Variants in CFAP54 observed in about 807,000 individuals in gnomAD.
CFAP54 encodes cilia- and flagella-associated protein 54.
A neutral mutation model predicts 370.4 loss-of-function variants in CFAP54; 290 were observed. That is an observed-to-expected ratio of 0.78 (90% CI 0.71 to 0.86). The LOEUF (loss-of-function observed/expected upper bound fraction) is 0.86, where lower values mean the gene tolerates loss of function less well. Ranked by LOEUF, CFAP54 falls within the 40% of genes least tolerant of loss-of-function variation. The pLI is 0.00. For missense variants in CFAP54, 3,399 were observed against 3,528.7 expected (o/e 0.96, Z 0.93); for synonymous variants, 1,206 against 1,236.5 (o/e 0.98, Z 0.52).
At chr12:96,514,683 G>T (rs1272295831) in intron 5 of CFAP54, among the ~76,000 whole-genome samples, 4 of 152,178 alleles carry the variant, frequency 2.6e-5, no homozygotes, top group Non-Finnish European at 4.4e-5. Flanking sequence ...AACACTGAGA[G>T]AATTTTAAAG....
At chr12:96,857,503 C>T (rs990769434) in intron 66 of CFAP54, among the ~76,000 whole-genome samples, 17 of 152,238 alleles carry the variant, frequency 1.1e-4, no homozygotes, top group South Asian at 2.1e-4. Flanking sequence ...TATTCCATGG[C>T]GTATATGTAC....
chr12:96,625,291 A>G (rs1956537761), intron 28 of CFAP54, among the ~76,000 whole-genome samples: 1 of 152,234 alleles, frequency 6.6e-6, no homozygotes, highest in African/African-American at 2.4e-5. Flanking sequence ...TCATAACTAA[A>G]AAATGTCATA....
intron 22 of CFAP54, among the ~76,000 whole-genome samples, chr12:96,588,410 T>C (rs1956092836): frequency 6.6e-6 from 1 of 152,218 alleles, no homozygotes; most frequent in Non-Finnish European, 1.5e-5. Flanking sequence ...TTTGTAGTTT[T>C]TCTGTGATGT....
Position 96,664,785 on chromosome 12 carries a change from A to ATCTATCTATC in CFAP54, c.5563+854_5563+855insCTATCTATCT, listed in dbSNP as rs1565934533. 1.5e-4 allele frequency among the ~76,000 whole-genome samples: 4 copies of ATCTATCTATC among 26,376 alleles called. No homozygotes were observed. The South Asian group carries it at 2.5e-3, about 16-fold the overall frequency. 17.3% of individuals were successfully genotyped at this position (26,376 alleles called of 152,430 possible). ...TATATCTATATCTATATCTATATAT[A>ATCTATCTATC]TATATATATATATATATATATATAT... On this transcript the variant is annotated intron_variant, in intron 39 of 67. Coordinates refer to ENST00000524981, the MANE Select transcript of CFAP54 (RefSeq NM_001306084.2).
rs1162255260 is a variant in CFAP54 at position 96,723,835 on chromosome 12, C to A, written c.6965+3270C>A. 1.6e-4 allele frequency among the ~76,000 whole-genome samples: 18 copies of A among 109,262 alleles called. No individual in the cohort carries two copies. In the East Asian group the frequency reaches 2.4e-3, roughly 14 times the overall value. The allele number at this position is 109,262 out of a possible 152,430, so 71.7% of individuals were successfully genotyped here. A position where few individuals can be genotyped will look rare whatever the true frequency, so the allele number is the denominator to read the frequency against. On this transcript the variant is annotated intron_variant, in intron 50 of 67. Coordinates refer to ENST00000524981, the MANE Select transcript of CFAP54 (RefSeq NM_001306084.2). ...TAATGCTATCCCTCCCCCCTCCCCC[C>A]ACCCCACAACAGTCCCCAGAGTGTG...
intron 8 of CFAP54, among the ~76,000 whole-genome samples, chr12:96,525,034 CTT>C (rs1333249245): frequency 6.6e-6 from 1 of 151,978 alleles, no homozygotes; most frequent in Non-Finnish European, 1.5e-5. Flanking sequence ...GACATAAACA[CTT>C]TATTTCTCTT....
rs139834778 is a variant in CFAP54 at position 96,715,254 on chromosome 12, T to C, written c.6725-3189T>C. 4.6e-3 allele frequency among the ~76,000 whole-genome samples: 580 copies of C among 125,564 alleles called. 4 individuals carry two copies. The highest frequency in any genetic ancestry group is 0.019 in the Middle Eastern group (5 of 270). The allele number at this position is 125,564 out of a possible 152,430, so 82.4% of individuals were successfully genotyped here. A position where few individuals can be genotyped will look rare whatever the true frequency, so the allele number is the denominator to read the frequency against. On this transcript the variant is annotated intron_variant, in intron 48 of 67. Transcript: ENST00000524981. ...TTGCAGAGCCTTTTTGTATTTCTGG[T>C]ATGAATTTAAAGTGAGAAGAGTTAG...
chr12:96,583,684 G>T (rs1182172469), intron 22 of CFAP54, among the ~76,000 whole-genome samples: 1 of 152,148 alleles, frequency 6.6e-6, no homozygotes, highest in Non-Finnish European at 1.5e-5. Context: ...TCTCAGGGAG[G>T]TTAAGAAATG....
intron 42 of CFAP54, 64 bp from the exon 43 acceptor site, chr12:96,688,852 A>G (rs1419370218): frequency 1.1e-6 from 1 of 890,628 alleles, no homozygotes; most frequent in Non-Finnish European, 1.8e-6. Flanking sequence ...ATGTAAAGAC[A>G]TTTATATCAA....
chr12:96,528,491 T>G (rs547255242), intron 9 of CFAP54, among the ~76,000 whole-genome samples: 2 of 152,332 alleles, frequency 1.3e-5, no homozygotes, highest in African/African-American at 2.4e-5. Flanking sequence ...TTCTCCATTA[T>G]CTGTAAATGT....
In CFAP54 at chr12:96,615,666, G is replaced by GA. The variant is rs538801584; in HGVS notation, c.3640-5917dup. Among the ~76,000 whole-genome samples, 457 of 152,116 alleles carry GA rather than the reference G, an allele frequency of 3.0e-3. 4 individuals are homozygous for GA. Among genetic ancestry groups the GA allele is most frequent in the African/African-American group, 0.01 (418 of 41,500 alleles). On this transcript the variant is annotated intron_variant, in intron 26 of 67. Coordinates refer to ENST00000524981, the MANE Select transcript of CFAP54 (RefSeq NM_001306084.2). Reference sequence around the variant, plus strand: ...ACAAAGAACTCAAACAAATTTACAAGAAAAAAATAAACAACCCCATCAACA... The same window carrying GA: ...ACAAAGAACTCAAACAAATTTACAAGAAAAAAAATAAACAACCCCATCAACA...
intron 6 of CFAP54, among the ~76,000 whole-genome samples, chr12:96,521,104 T>C (rs1199576440): frequency 6.6e-6 from 1 of 152,248 alleles, no homozygotes; most frequent in African/African-American, 2.4e-5. Context: ...TTGATCCCTA[T>C]TGGGATTTTT....
chr12:96,863,069 T>G (rs1959915975), intron 67 of CFAP54, among the ~76,000 whole-genome samples: 1 of 152,280 alleles, frequency 6.6e-6, no homozygotes, highest in African/African-American at 2.4e-5. Flanking sequence ...ATACTTTCTG[T>G]TTTTCTTTAC....
rs193270760 is a variant in CFAP54 at position 96,737,935 on chromosome 12, G to A, written c.6966-2021G>A. Among the ~76,000 whole-genome samples the A allele has an allele frequency of 3.8e-4, 58 of 152,234 alleles. 1 individual carries two copies. Among genetic ancestry groups the A allele is most frequent in the Non-Finnish European group, 1.3e-4 (9 of 68,014 alleles). On this transcript the variant is annotated intron_variant, in intron 50 of 67. Coordinates refer to ENST00000524981, the MANE Select transcript of CFAP54 (RefSeq NM_001306084.2). ...TCAGTAACGGATCCAAAGGAGGAGCGAGCATGGAAGGCAGGCTGGGGATGG... is the reference window on the plus strand; with the variant it reads ...TCAGTAACGGATCCAAAGGAGGAGCAAGCATGGAAGGCAGGCTGGGGATGG...
At chr12:96,806,670 G>C (rs560031944) in intron 63 of CFAP54, among the ~76,000 whole-genome samples, 1 of 152,202 alleles carries the variant, frequency 6.6e-6, no homozygotes, top group African/African-American at 2.4e-5. Context: ...TTAGATGTTG[G>C]AAGTGCTGTA....
chr12:96,661,340 A>T (rs1013801978), intron 38 of CFAP54, among the ~76,000 whole-genome samples: 2 of 152,196 alleles, frequency 1.3e-5, no homozygotes, highest in African/African-American at 4.8e-5. Context: ...AGAAACAGGG[A>T]CAAGACCAAA....
At chr12:96,686,303 C>G (rs1391811459) in intron 42 of CFAP54, among the ~76,000 whole-genome samples, 3 of 152,170 alleles carry the variant, frequency 2.0e-5, no homozygotes, top group Non-Finnish European at 4.4e-5. Context: ...TCTGTGGCCT[C>G]ATTTTCACTT....
chr12:96,638,229 GTGTGTGTGTGTGTATATATA>G (rs1956683458), intron 32 of CFAP54, among the ~76,000 whole-genome samples: 1 of 92,554 alleles, frequency 1.1e-5, no homozygotes, highest in Non-Finnish European at 2.4e-5. Flanking sequence ...GTGTGTGTGT[GTGTGTGTGTGTGTATATATA>G]TATATATTTA....
chr12:96,729,398 C>G (rs949100070), intron 50 of CFAP54, among the ~76,000 whole-genome samples: 1 of 152,234 alleles, frequency 6.6e-6, no homozygotes, highest in Non-Finnish European at 1.5e-5. Context: ...GCGCCCCTCC[C>G]CCAGCCTCGC....
Sources: allele counts gnomAD v4.1 joint callset (sites outside exome capture counted in the v4.1 genomes callset), GRCh38; gene constraint gnomAD v4.1.1; transcripts MANE v1.5; gene names NCBI Gene and HGNC (gene_info 2026-07-23, HGNC 2026-07-21).